ABI3BP: variants seen among roughly 807,000 people sequenced by gnomAD.
The protein encoded by ABI3BP is ABI family member 3 binding protein.
A neutral mutation model predicts 268.6 loss-of-function variants in ABI3BP; 216 were observed. The observed-to-expected ratio is 0.80, with a 90% CI of 0.72 to 0.90. The LOEUF is 0.90. ABI3BP is among the 40% of genes least tolerant of loss of function. The pLI, the probability that ABI3BP is intolerant of heterozygous loss-of-function variation, is 0.00. For synonymous variants in ABI3BP, 730 were observed against 730.0 expected (o/e 1.00, Z 0.00); for missense variants, 2,090 against 2,182.4 (o/e 0.96, Z 0.84).
rs9862495 is a variant in ABI3BP, at chr3:100,828,134, C to T, written c.2602+259G>A. Among the ~76,000 whole-genome samples the T allele has an allele frequency of 4.9e-3, 739 of 152,084 alleles. 2 individuals carry two copies. Among genetic ancestry groups the T allele is most frequent in the African/African-American group, 0.017 (691 of 41,488 alleles). On this transcript the variant is annotated intron_variant, in intron 34 of 67. Transcript: ENST00000471714. The stretch of plus-strand genomic sequence containing the variant: ...TAGCGTAGATCAGGTCAGAACCTCG[C>T]GAGAATATGTCAAATCTCCCTTAAT...
At chr3:100,827,752 A>G (rs1013944315) in intron 34 of ABI3BP, among the ~76,000 whole-genome samples, 5 of 152,130 alleles carry the variant, frequency 3.3e-5, no homozygotes, top group Non-Finnish European at 7.4e-5. Flanking sequence ...ATTAATTCAG[A>G]TACTTAGGAT....
In ABI3BP at chr3:100,816,755, T is replaced by G; in HGVS notation, c.3162A>C (p.Gln1054His). The change falls in exon 43 of 68, where the codon CAA becomes CAC. Residue 1054 changes from glutamine (Q) to histidine (H), a missense_variant. Gln to His is a conservative substitution (Grantham distance 24). Coordinates refer to ENST00000471714, the MANE Select transcript of ABI3BP (RefSeq NM_001375547.2). ...GTCTGGGACGGGGACGACGTGTCCGTTGTGTTTTAGGAGCTGAAGGAAGAA... is the reference window on the plus strand; with the variant it reads ...GTCTGGGACGGGGACGACGTGTCCGGTGTGTTTTAGGAGCTGAAGGAAGAA... Reference protein sequence around the residue: ...FPETTLAPKTQRTRRPRPRPK... With the variant: ...FPETTLAPKTHRTRRPRPRPK... The G allele has an allele frequency of 6.5e-7, 1 of 1,535,788 alleles. No homozygotes were observed. The highest frequency in any genetic ancestry group is 8.7e-7 in the Non-Finnish European group (1 of 1,146,658).
At chr3:100,901,631 T>C (rs973179934) in intron 3 of ABI3BP, among the ~76,000 whole-genome samples, 3 of 151,720 alleles carry the variant, frequency 2.0e-5, no homozygotes, top group Non-Finnish European at 2.9e-5. Flanking sequence ...CCGGGCCTGG[T>C]GGTGGGCGCC....
intron 17 of ABI3BP, among the ~76,000 whole-genome samples, 170 bp from the exon 18 acceptor site, chr3:100,849,045 G>A (rs2098808664): frequency 6.6e-6 from 1 of 151,856 alleles, no homozygotes; most frequent in South Asian, 2.1e-4. Flanking sequence ...ATAAACAAGG[G>A]GTGACTGGGA....
At chr3:100,918,038 AG>A (rs1276205379) in intron 2 of ABI3BP, among the ~76,000 whole-genome samples, 3 of 151,848 alleles carry the variant, frequency 2.0e-5, no homozygotes, top group African/African-American at 7.3e-5. Flanking sequence ...TGCGCCTTGG[AG>A]GAAAAAAAAA....
At position 100,793,024 on chromosome 3, in the gene ABI3BP, C is replaced by T. The variant is rs1034697396; in HGVS notation, c.3947-256G>A. On this transcript the variant is annotated intron_variant, in intron 54 of 67. Transcript: ENST00000471714. ...AGCTTTTAGCTCAGGATCATTGTAT[C>T]ATTAATCTAGTTGTGGCTATTCTTG... Among the ~76,000 whole-genome samples, 6 of 151,726 alleles carry T rather than the reference C, an allele frequency of 4.0e-5. No homozygotes were observed. In the South Asian group the frequency reaches 1.2e-3, roughly 31 times the overall value.
chr3:100,835,370 A>G (rs1036105766), intron 28 of ABI3BP, among the ~76,000 whole-genome samples: 1 of 152,202 alleles, frequency 6.6e-6, no homozygotes, highest in African/African-American at 2.4e-5. Context: ...ATAAAGCTGG[A>G]TAATATGGGA....
intron 32 of ABI3BP, 100 bp downstream of exon 32, chr3:100,830,478 A>T: frequency 1.0e-6 from 1 of 993,204 alleles, no homozygotes; most frequent in Non-Finnish European, 1.5e-6. Flanking sequence ...AGGATAACAC[A>T]GAAGCCTTGT....
intron 21 of ABI3BP, among the ~76,000 whole-genome samples, chr3:100,841,695 C>A (rs1687065273): frequency 6.6e-6 from 1 of 152,028 alleles, no homozygotes; most frequent in African/African-American, 2.4e-5. Context: ...TTGAGACCAG[C>A]CTGGCCAGCG....
chr3:100,757,932 TAAAG>T (rs2095713128), intron 63 of ABI3BP, among the ~76,000 whole-genome samples: 1 of 152,118 alleles, frequency 6.6e-6, no homozygotes, highest in African/African-American at 2.4e-5. Flanking sequence ...TGATGAAAAT[TAAAG>T]AACTATAAGA....
chr3:100,893,901 TTG>T (rs2045945349), intron 4 of ABI3BP, among the ~76,000 whole-genome samples: 1 of 152,058 alleles, frequency 6.6e-6, no homozygotes, highest in Non-Finnish European at 1.5e-5. Flanking sequence ...GAAGTCAGAA[TTG>T]TGTTTCTTGG....
rs200574381 is a variant in ABI3BP, at chr3:100,808,188, G to A, written c.3655C>T (p.Arg1219Cys). 8.8e-5 allele frequency: 142 copies of A among 1,611,360 alleles called. 2 individuals are homozygous for A. The South Asian group carries it at 1.1e-3, about 12-fold the overall frequency. Residue 1219 changes from arginine to cysteine, a missense_variant, in exon 50 of 68, where the codon CGC (arginine) becomes TGC (cysteine). By Grantham distance (180) the Arg-to-Cys change is radical. Coordinates refer to ENST00000471714, the MANE Select transcript of ABI3BP (RefSeq NM_001375547.2). ...GGTTGTGTTTGTGGGATTCTTGGGC[G>A]TGGTGATGTTTTTGGCTTAGGAGGA... ...RAPPKPKTSP[R>C]PRIPQTQPVP...
chr3:100,830,251 G>C (rs1283618887), intron 32 of ABI3BP, among the ~76,000 whole-genome samples: 1 of 148,934 alleles, frequency 6.7e-6, no homozygotes, highest in Non-Finnish European at 1.5e-5. Context: ...ACTCAGTCTA[G>C]ATCAGGGACA....
At chr3:100,818,294 T>C (rs2098116687) in intron 41 of ABI3BP, among the ~76,000 whole-genome samples, 1 of 152,226 alleles carries the variant, frequency 6.6e-6, no homozygotes. Context: ...CATGATCGCA[T>C]GACACATTGA....
intron 1 of ABI3BP, 99 bp from the exon 2 acceptor site, chr3:100,926,580 G>T: frequency 8.9e-7 from 1 of 1,119,598 alleles, no homozygotes; most frequent in Non-Finnish European, 1.3e-6. Flanking sequence ...CATTGTTCTT[G>T]AAAAACATGT....
intron 2 of ABI3BP, among the ~76,000 whole-genome samples, chr3:100,915,035 C>A (rs2058123207): frequency 6.6e-6 from 1 of 152,086 alleles, no homozygotes; most frequent in Non-Finnish European, 1.5e-5. Flanking sequence ...CCATTGAAGG[C>A]ACAAAATTCA....
chr3:100,900,187 C>T (rs2049574223), intron 3 of ABI3BP, among the ~76,000 whole-genome samples: 1 of 152,164 alleles, frequency 6.6e-6, no homozygotes, highest in South Asian at 2.1e-4. Flanking sequence ...CTTCTGCAGA[C>T]CCAGCTGTAA....
At chr3:100,808,106 G>T in intron 50 of ABI3BP, 55 bp downstream of exon 50, 1 of 1,491,500 alleles carries the variant, frequency 6.7e-7, no homozygotes, top group South Asian at 1.2e-5. Context: ...CAATTTGCTA[G>T]AATAACCCCA....
chr3:100,898,699 C>T, intron 4 of ABI3BP, 63 bp downstream of exon 4: 1 of 1,544,358 alleles, frequency 6.5e-7, no homozygotes, highest in Non-Finnish European at 8.8e-7. Flanking sequence ...GCTAACAGTC[C>T]TGATACTTAC....
Sources: allele counts gnomAD v4.1 joint callset (sites outside exome capture counted in the v4.1 genomes callset), GRCh38; gene constraint gnomAD v4.1.1; transcripts MANE v1.5; gene names NCBI Gene and HGNC (gene_info 2026-07-23, HGNC 2026-07-21).